PHLPP1: variants seen among roughly 807,000 people sequenced by gnomAD.
PHLPP1 encodes the protein PH domain leucine-rich repeat-containing protein phosphatase 1.
PHLPP1 carries 42 observed loss-of-function variants against 117.2 expected under a neutral mutation model. The observed-to-expected ratio is 0.36, with a 90% CI of 0.28 to 0.46. The LOEUF (loss-of-function observed/expected upper bound fraction) is 0.46, where lower values mean the gene tolerates loss of function less well. Among genes scored for constraint, PHLPP1 ranks in the 20% least tolerant of loss-of-function variants. The probability of loss-of-function intolerance (pLI) is 1.00; values close to 1 mark genes in which losing one functional copy is unlikely to be tolerated. For missense variants in PHLPP1, 2,084 were observed against 2,241.9 expected, an observed-to-expected ratio of 0.93 and a Z score of 1.42; for synonymous variants, 1,042 against 970.7, an observed-to-expected ratio of 1.07 and a Z score of -1.37.
At chr18:62,845,416 A>G (rs1309307399) in intron 3 of PHLPP1, among the ~76,000 whole-genome samples, 2 of 152,202 alleles carry the variant, frequency 1.3e-5, no homozygotes, top group Non-Finnish European at 1.5e-5. Flanking sequence ...AAACGATCCC[A>G]TGAAATGATG....
intron 1 of PHLPP1, chr18:62,731,252 G>T (rs1242320436): frequency 6.6e-6 from 1 of 152,044 alleles, no homozygotes; most frequent in East Asian, 1.9e-4. Flanking sequence ...TCATGAATTT[G>T]CATGTCATCC....
intron 4 of PHLPP1, among the ~76,000 whole-genome samples, chr18:62,873,319 A>G (rs145680122): frequency 1.3e-5 from 2 of 152,376 alleles, no homozygotes; most frequent in East Asian, 1.9e-4. Flanking sequence ...TATTTTAATT[A>G]CTAGTTACTT....
intron 14 of PHLPP1, among the ~76,000 whole-genome samples, chr18:62,965,862 A>C (rs922315474): frequency 1.3e-5 from 2 of 151,922 alleles, no homozygotes; most frequent in African/African-American, 4.8e-5. Flanking sequence ...GAAAGAAAAA[A>C]AAACTACGTT....
In PHLPP1 at chr18:62,717,248, G is replaced by C; in HGVS notation, c.1565G>C (p.Arg522Pro). 3 of 1,587,836 alleles carry C rather than the reference G, an allele frequency of 1.9e-6. No homozygotes were observed. Among genetic ancestry groups the C allele is most frequent in the Non-Finnish European group, 2.6e-6 (3 of 1,164,324 alleles). The change falls in exon 1 of 17, where the codon CGC becomes CCC. Residue 522 changes from arginine to proline, a missense_variant. Physicochemically the swap from Arg to Pro is moderately radical, Grantham distance 103. Transcript: ENST00000262719. ...GMDSEIGCLI[R>P]FYAGKPHSTG... ...GACTCGGAGATTGGCTGCCTCATCC[G>C]CTTCTATGCAGGTAAGGAAGTCACC...
intron 1 of PHLPP1, among the ~76,000 whole-genome samples, chr18:62,800,068 T>C (rs1398825160): frequency 1.3e-5 from 2 of 152,142 alleles, no homozygotes; most frequent in Non-Finnish European, 2.9e-5. Flanking sequence ...CTAGACCCTT[T>C]AGCTAGAGCT....
chr18:62,848,671 C>T (rs991073090), intron 3 of PHLPP1, among the ~76,000 whole-genome samples: 8 of 151,894 alleles, frequency 5.3e-5, no homozygotes, highest in Non-Finnish European at 8.8e-5. Context: ...GCCATGTTGC[C>T]GAGGCTGGCC....
intron 3 of PHLPP1, among the ~76,000 whole-genome samples, chr18:62,849,102 A>G (rs1438332648): frequency 2.6e-5 from 4 of 152,216 alleles, no homozygotes; most frequent in African/African-American, 9.6e-5. Context: ...ACACTTGAGC[A>G]TAGTCACTCT....
intron 1 of PHLPP1, among the ~76,000 whole-genome samples, chr18:62,789,440 A>G (rs192262475): frequency 6.6e-6 from 1 of 152,320 alleles, no homozygotes; most frequent in East Asian, 1.9e-4. Context: ...ACATGGACAA[A>G]TAACGTTTCA....
intron 4 of PHLPP1, among the ~76,000 whole-genome samples, chr18:62,879,343 A>G (rs1202283048): frequency 1.3e-5 from 2 of 152,116 alleles, no homozygotes; most frequent in East Asian, 1.9e-4. Context: ...TGGACTTCCC[A>G]ACCTTCAGAA....
chr18:62,879,909 A>G (rs1277029460), intron 4 of PHLPP1, among the ~76,000 whole-genome samples: 1 of 151,242 alleles, frequency 6.6e-6, no homozygotes, highest in Non-Finnish European at 1.5e-5. Flanking sequence ...CTGTCTATTG[A>G]ACTCCTACTC....
At chr18:62,899,991 T>G (rs1005847123) in intron 6 of PHLPP1, among the ~76,000 whole-genome samples, 4 of 152,092 alleles carry the variant, frequency 2.6e-5, no homozygotes, top group African/African-American at 9.7e-5. Context: ...TTCATCATAT[T>G]TTGCCTTTTA....
intron 2 of PHLPP1, among the ~76,000 whole-genome samples, chr18:62,830,598 C>A (rs1297551731): frequency 6.6e-6 from 1 of 152,064 alleles, no homozygotes; most frequent in Non-Finnish European, 1.5e-5. Context: ...TACTTTGAGC[C>A]ATTTCTGTGA....
chr18:62,766,102 T>TATATATATAA lies in PHLPP1; in HGVS notation c.1576+48844_1576+48845insTATATATAAA, dbSNP rs1491446982. On this transcript the variant is annotated intron_variant, in intron 1 of 16. Transcript: ENST00000262719. ...ATATATATATATATATATATATATA[T>TATATATATAA]AAAATATATATATATTTGTACAGAA... Among the ~76,000 whole-genome samples, 54 of 60,680 alleles carry TATATATATAA rather than the reference T, an allele frequency of 8.9e-4. 3 individuals carry two copies. The highest frequency in any genetic ancestry group is 2.4e-3 in the African/African-American group (47 of 19,246). 39.8% of individuals were successfully genotyped at this position (60,680 alleles called of 152,430 possible).
intron 3 of PHLPP1, among the ~76,000 whole-genome samples, chr18:62,855,879 T>A (rs1387727000): frequency 6.6e-6 from 1 of 152,028 alleles, no homozygotes; most frequent in Non-Finnish European, 1.5e-5. Flanking sequence ...AAGGAGGAGG[T>A]ATAAGGTCGT....
intron 1 of PHLPP1, among the ~76,000 whole-genome samples, chr18:62,802,236 G>C (rs1469774265): frequency 6.6e-6 from 1 of 152,210 alleles, no homozygotes; most frequent in East Asian, 1.9e-4. Context: ...CAAAGAAAGG[G>C]AGGAGCATGG....
intron 13 of PHLPP1, among the ~76,000 whole-genome samples, chr18:62,961,153 G>A (rs1479039972): frequency 6.6e-6 from 1 of 152,120 alleles, no homozygotes; most frequent in African/African-American, 2.4e-5. Flanking sequence ...AAAAATTGGC[G>A]GGCGAGGTGA....
At chr18:62,853,336 AT>A (rs914445109) in intron 3 of PHLPP1, among the ~76,000 whole-genome samples, 19 of 148,172 alleles carry the variant, frequency 1.3e-4, no homozygotes, top group African/African-American at 4.0e-4. Context: ...ATTAGCCTTA[AT>A]TTTTTTTCTT....
At chr18:62,816,536 C>G (rs1384336800) in intron 1 of PHLPP1, among the ~76,000 whole-genome samples, 1 of 152,020 alleles carries the variant, frequency 6.6e-6, no homozygotes, top group East Asian at 1.9e-4. Flanking sequence ...CATTGCACTC[C>G]AGCCTGGGTG....
chr18:62,842,866 C>T (rs1447993037), intron 3 of PHLPP1: 2 of 152,164 alleles, frequency 1.3e-5, no homozygotes, highest in African/African-American at 4.8e-5. Context: ...TAAAACATGG[C>T]CACACCCTTC....
Sources: gnomAD v4.1 joint callset for allele counts (sites outside exome capture counted in the v4.1 genomes callset) on GRCh38, gnomAD v4.1.1 for gene constraint, MANE v1.5 for transcripts, NCBI Gene and HGNC (gene_info 2026-07-23, HGNC 2026-07-21) for gene names.